The following MEX3D variants were observed in gnomAD, a reference collection of about 807,000 sequenced individuals.
MEX3D encodes the protein mex-3 RNA binding family member D.
Under a neutral mutation model 6.3 loss-of-function variants are expected in MEX3D, and 4 were observed. That is an observed-to-expected ratio of 0.64 (90% confidence interval 0.31 to 1.46). The LOEUF (loss-of-function observed/expected upper bound fraction) is 1.46. Ranked by LOEUF, MEX3D falls within the 40% of genes most tolerant of loss-of-function variation. The pLI is 0.07. For missense variants in MEX3D, 1,038 were observed against 994.4 expected (o/e 1.04, Z -0.59); for synonymous variants, 626 against 494.1 (o/e 1.27, Z -3.54).
rs1006308261 is a variant in MEX3D at position 1,554,784 on chromosome 19, A to T, written c.*779T>A. ...TCAGCAAATATATAATCAGTAATTT[A>T]GCTGTGTAAGATTAAAGGTCCATTA... On this transcript the variant is annotated 3_prime_UTR_variant, in exon 2 of 2. Transcript: ENST00000402693. The T allele has an allele frequency of 6.6e-6, 1 of 152,420 alleles. No homozygotes were observed. Among genetic ancestry groups the T allele is most frequent in the Non-Finnish European group, 1.5e-5 (1 of 68,018 alleles). The allele number at this position is 152,420 out of a possible 1,614,324, so 9.4% of individuals were successfully genotyped here.
intron 1 of MEX3D, among the ~76,000 whole-genome samples, chr19:1,562,660 T>C (rs895632666): frequency 6.6e-6 from 1 of 152,090 alleles, no homozygotes; most frequent in Non-Finnish European, 1.5e-5. Flanking sequence ...ATCACACCAC[T>C]GCACTCAGGA....
rs1914859915 is a variant in MEX3D, at chr19:1,567,053, G to A, written c.595+411C>T. 6.6e-6 allele frequency among the ~76,000 whole-genome samples: 1 copy of A among 152,052 alleles called. No individual in the cohort carries two copies. Among genetic ancestry groups the A allele is most frequent in the African/African-American group, 2.4e-5 (1 of 41,414 alleles). On this transcript the variant is annotated intron_variant, in intron 1 of 1. Transcript: ENST00000402693. This position sits in a 1 kb window ranked among gnomAD's most constrained non-coding sequence, Gnocchi z 6.5. ...CCGGTCCTGCAGGCGGCCCCCCTAA[G>A]CCACCCCTAAACCTGCGCTTGCCCC...
chr19:1,555,638 G>A lies in MEX3D; in HGVS notation c.1881C>T (p.Arg627=). ...HNLFCMDCAV[R]ICGKSEPECP... ...ACTCGGGCTCGCTCTTGCCGCAGAT[G>A]CGGACGGCGCAGTCCATGCAGAAGA... The change falls in exon 2 of 2, where the codon CGC becomes CGT. Residue 627 remains arginine, a synonymous_variant. Coordinates refer to ENST00000402693, the MANE Select transcript of MEX3D (RefSeq NM_203304.4). 6.3e-7 allele frequency: 1 copy of A among 1,589,094 alleles called. No individual in the cohort carries two copies.
At chr19:1,557,838 G>T (rs1914613373) in intron 1 of MEX3D, among the ~76,000 whole-genome samples, 1 of 116,408 alleles carries the variant, frequency 8.6e-6, no homozygotes, top group African/African-American at 3.3e-5. Context: ...TCCAGCCTGG[G>T]TGACAGAGCG....
At chr19:1,557,545 G>A (rs1158181302) in intron 1 of MEX3D, among the ~76,000 whole-genome samples, 18 of 142,608 alleles carry the variant, frequency 1.3e-4, no homozygotes, top group African/African-American at 2.6e-4. Context: ...CAGCCTGGAC[G>A]ACAAAGCAAG....
intron 1 of MEX3D, among the ~76,000 whole-genome samples, chr19:1,560,746 G>A (rs1436264033): frequency 1.3e-5 from 2 of 152,132 alleles, no homozygotes; most frequent in Non-Finnish European, 2.9e-5. Context: ...GCTGGGTGGA[G>A]ACCTCACAGC....
In MEX3D at chr19:1,555,701, G is replaced by A. The variant is rs550800078; in HGVS notation, c.1818C>T (p.Gly606=). The change falls in exon 2 of 2, where the codon GGC becomes GGT. Residue 606 remains glycine (G), a synonymous_variant. Transcript: ENST00000402693. ...AGGGGACCAGCGCAGCCATCACCTC[G>A]CCCTCGGCGCACACCACGCACTCTC... ...LARECVVCAE[G]EVMAALVPCG... 3.0e-5 allele frequency: 46 copies of A among 1,555,322 alleles called. No homozygotes were observed. The East Asian group carries it at 8.9e-4, about 30-fold the overall frequency.
chr19:1,558,389 A>AG (rs1555697718), intron 1 of MEX3D, among the ~76,000 whole-genome samples: 2 of 151,576 alleles, frequency 1.3e-5, no homozygotes, highest in African/African-American at 4.9e-5. Context: ...AAAAAAAAAA[A>AG]AGACACACAC....
chr19:1,567,432 C>G lies in MEX3D; in HGVS notation c.595+32G>C. The G allele has an allele frequency of 6.5e-7, 1 of 1,547,978 alleles. No individual in the cohort carries two copies. Among genetic ancestry groups the G allele is most frequent in the Non-Finnish European group, 8.7e-7 (1 of 1,151,410 alleles). On this transcript the variant is annotated intron_variant, in intron 1 of 1. Transcript: ENST00000402693. The surrounding 1 kb of genome is among the most constrained non-coding windows in gnomAD (Gnocchi z 6.5). ...CCGGGGCGGACGGTGCGGGGACCCC[C>G]AGGACAGCAACCCCCGACGAGGGCC...
chr19:1,556,027 G>C lies in MEX3D; in HGVS notation c.1492C>G (p.Pro498Ala). 1 of 1,261,576 alleles carries C rather than the reference G, an allele frequency of 7.9e-7. No individual in the cohort carries two copies. The highest frequency in any genetic ancestry group is 1.0e-6 in the Non-Finnish European group (1 of 1,000,268). The allele number at this position is 1,261,576 out of a possible 1,614,324, so 78.1% of individuals were successfully genotyped here. Residue 498 changes from proline to alanine, a missense_variant, in exon 2 of 2, where the codon CCC becomes GCC. Pro to Ala is a conservative substitution (Grantham distance 27). Coordinates refer to ENST00000402693, the MANE Select transcript of MEX3D (RefSeq NM_203304.4). This position sits in a 1 kb window ranked among gnomAD's most constrained non-coding sequence, Gnocchi z 7.5. Reference sequence around the variant, plus strand: ...CTGCTGCGCCGGGCGCCGGCGGCGGGAGGTCCCGGGGCTCCGTTGACCGTG... The same window carrying C: ...CTGCTGCGCCGGGCGCCGGCGGCGGCAGGTCCCGGGGCTCCGTTGACCGTG... ...CSTVNGAPGP[P>A]AAGARRSSGA...
At position 1,557,047 on chromosome 19, in the gene MEX3D, CTT is replaced by C. The variant is rs1568264756; in HGVS notation, c.596-126_596-125del. ...ACCTCCCAGCCTGTGCCCAACAACACTTTATCCTCAGACACGCCACGTCCCTT... is the reference window on the plus strand; with the variant it reads ...ACCTCCCAGCCTGTGCCCAACAACACTATCCTCAGACACGCCACGTCCCTT... On this transcript the variant is annotated intron_variant, in intron 1 of 1. Transcript: ENST00000402693. 6 of 1,192,476 alleles carry C rather than the reference CTT, an allele frequency of 5.0e-6. No homozygotes were observed. The East Asian group carries it at 1.4e-4, about 29-fold the overall frequency. 73.9% of individuals were successfully genotyped at this position (1,192,476 alleles called of 1,614,324 possible).
chr19:1,558,065 AAAAG>A (rs1914622486), intron 1 of MEX3D, among the ~76,000 whole-genome samples: 1 of 149,624 alleles, frequency 6.7e-6, no homozygotes, highest in Non-Finnish European at 1.5e-5. Flanking sequence ...AAAAAAAAAA[AAAAG>A]AGCCACAGTG....
At chr19:1,566,467 G>C (rs896751271) in intron 1 of MEX3D, among the ~76,000 whole-genome samples, 2 of 152,194 alleles carry the variant, frequency 1.3e-5, no homozygotes, top group Admixed American at 1.3e-4. Context: ...CCCCGGGGAG[G>C]CAGGGACCCC....
At position 1,567,786 on chromosome 19, in the gene MEX3D, C is replaced by T; in HGVS notation, c.273G>A (p.Gly91=). ...GAAGDGAAAA[G]GADGGAAPEP... Reference sequence around the variant, plus strand: ...CCGGAGCCGCCCCGCCGTCCGCGCCCCCCGCCGCCGCTGCGCCGTCCCCGG... The same window carrying T: ...CCGGAGCCGCCCCGCCGTCCGCGCCTCCCGCCGCCGCTGCGCCGTCCCCGG... Residue 91 remains glycine (G), a synonymous_variant, in exon 1 of 2, where the codon GGG becomes GGA. Transcript: ENST00000402693. The surrounding 1 kb of genome is among the most constrained non-coding windows in gnomAD (Gnocchi z 6.5). 1 of 961,024 alleles carries T rather than the reference C, an allele frequency of 1.0e-6. No individual in the cohort carries two copies. The highest frequency in any genetic ancestry group is 1.2e-6 in the Non-Finnish European group (1 of 807,970). The allele number at this position is 961,024 out of a possible 1,614,324, so 59.5% of individuals were successfully genotyped here. A position where few individuals can be genotyped will look rare whatever the true frequency, so the allele number is the denominator to read the frequency against.
intron 1 of MEX3D, among the ~76,000 whole-genome samples, chr19:1,566,564 G>A (rs1459510069): frequency 6.6e-6 from 1 of 152,046 alleles, no homozygotes; most frequent in African/African-American, 2.4e-5. Flanking sequence ...GGCGGTCAGC[G>A]GGGACCCAGG....
chr19:1,560,810 G>A (rs1344534186), intron 1 of MEX3D, among the ~76,000 whole-genome samples: 4 of 152,200 alleles, frequency 2.6e-5, no homozygotes, highest in Admixed American at 6.5e-5. Context: ...CATTGGTGCT[G>A]CGTCTGCTTT....
In MEX3D at chr19:1,560,312, CCCAGCAAGG is replaced by C. The variant is rs538899642; in HGVS notation, c.596-3398_596-3390del. On this transcript the variant is annotated intron_variant, in intron 1 of 1. Transcript: ENST00000402693. Reference sequence around the variant, plus strand: ...GAAACTGAGGCACAGGGAGTGGAGACCCAGCAAGGCTGGGGAAGGAGGTGCCACCCACAG... The same window carrying C: ...GAAACTGAGGCACAGGGAGTGGAGACCTGGGGAAGGAGGTGCCACCCACAG... 1.6e-4 allele frequency among the ~76,000 whole-genome samples: 24 copies of C among 152,346 alleles called. No homozygotes were observed. The East Asian group carries it at 4.2e-3, about 27-fold the overall frequency.
intron 1 of MEX3D, among the ~76,000 whole-genome samples, chr19:1,558,673 C>T (rs191971102): frequency 3.0e-4 from 46 of 152,340 alleles, no homozygotes; most frequent in African/African-American, 1.0e-3. Context: ...AAACTGCCTA[C>T]AATTTTCTTC....
chr19:1,567,433 A>C lies in MEX3D; in HGVS notation c.595+31T>G. ...CGGGGCGGACGGTGCGGGGACCCCC[A>C]GGACAGCAACCCCCGACGAGGGCCA... is the stretch of plus-strand genomic sequence containing the variant. On this transcript the variant is annotated intron_variant, in intron 1 of 1. Coordinates refer to ENST00000402693, the MANE Select transcript of MEX3D (RefSeq NM_203304.4). This position sits in a 1 kb window ranked among gnomAD's most constrained non-coding sequence, Gnocchi z 6.5. The C allele has an allele frequency of 6.5e-7, 1 of 1,547,952 alleles. No homozygotes were observed. Among genetic ancestry groups the C allele is most frequent in the Non-Finnish European group, 8.7e-7 (1 of 1,151,248 alleles).
Sources: allele counts gnomAD v4.1 joint callset (sites outside exome capture counted in the v4.1 genomes callset), GRCh38; gene constraint gnomAD v4.1.1; non-coding constraint Gnocchi (gnomAD v3.1); transcripts MANE v1.5; gene names NCBI Gene and HGNC (gene_info 2026-07-23, HGNC 2026-07-21).